Variants in C17orf99 observed in about 807,000 individuals in gnomAD.
C17orf99 encodes protein IL-40.
A neutral mutation model predicts 22.6 loss-of-function variants in C17orf99; 18 were observed. That is an observed-to-expected ratio of 0.80 (90% CI 0.55 to 1.18). The LOEUF is 1.18. Ranked by LOEUF, C17orf99 falls within the 50% of genes most tolerant of loss-of-function variation. The pLI, the probability that C17orf99 is intolerant of heterozygous loss-of-function variation, is 0.00. For synonymous variants in C17orf99, 147 were observed against 136.6 expected, an observed-to-expected ratio of 1.08 and a Z score of -0.53; for missense variants, 328 against 342.7, an observed-to-expected ratio of 0.96 and a Z score of 0.34.
At chr17:78,154,660 T>C (rs2075511622) in intron 2 of C17orf99, among the ~76,000 whole-genome samples, 1 of 151,788 alleles carries the variant, frequency 6.6e-6, no homozygotes, top group Admixed American at 6.6e-5. Flanking sequence ...CTAACCAACA[T>C]GGAGAAACCC....
chr17:78,156,426 G>A lies in C17orf99; in HGVS notation c.71-4529G>A, dbSNP rs143720892. Among the ~76,000 whole-genome samples, 472 of 151,632 alleles carry A rather than the reference G, an allele frequency of 3.1e-3. 1 individual carries two copies. Among genetic ancestry groups the A allele is most frequent in the Non-Finnish European group, 5.3e-3 (362 of 67,958 alleles). ...GTTTTCCACAATGAAATTGACTCCA[G>A]GATTTGCTTCCAAAACAGAGAAGTC... On this transcript the variant is annotated intron_variant, in intron 2 of 4. Coordinates refer to ENST00000340363, the MANE Select transcript of C17orf99 (RefSeq NM_001163075.2).
Position 78,165,902 on chromosome 17 carries a change from G to T in C17orf99, c.654G>T (p.Lys218Asn). ...LTVVPPGGDQ[K>N]MEDWQGPLES... is the part of the protein sequence containing the mutation. ...TGCTTTGTCAAGGTGGTGACCAGAA[G>T]ATGGAGGACTGGCAGGGTCCCCTGG... is the stretch of plus-strand genomic sequence containing the variant. Residue 218 changes from lysine (K) to asparagine (N), a missense_variant, in exon 5 of 5, where the codon AAG (lysine) becomes AAT (asparagine). Physicochemically the swap from Lys to Asn is moderately conservative, Grantham distance 94. Transcript: ENST00000340363. 7.4e-7 allele frequency: 1 copy of T among 1,360,146 alleles called. No individual in the cohort carries two copies. The highest frequency in any genetic ancestry group is 9.6e-7 in the Non-Finnish European group (1 of 1,039,116). The allele number at this position is 1,360,146 out of a possible 1,614,324, so 84.3% of individuals were successfully genotyped here. A position where few individuals can be genotyped will look rare whatever the true frequency, so the allele number is the denominator to read the frequency against.
intron 2 of C17orf99, among the ~76,000 whole-genome samples, chr17:78,159,328 C>G (rs2075554129): frequency 1.3e-5 from 2 of 151,410 alleles, no homozygotes; most frequent in Non-Finnish European, 2.9e-5. Flanking sequence ...CAGAGCAAGA[C>G]TCTGTCTTTA....
In C17orf99 at chr17:78,146,735, T is replaced by C; in HGVS notation, c.38-144T>C. 1.3e-6 allele frequency: 1 copy of C among 785,816 alleles called. No homozygotes were observed. Among genetic ancestry groups the C allele is most frequent in the Non-Finnish European group, 2.1e-6 (1 of 475,762 alleles). 48.7% of individuals were successfully genotyped at this position (785,816 alleles called of 1,614,324 possible). A position where few individuals can be genotyped will look rare whatever the true frequency, so the allele number is the denominator to read the frequency against. ...AGGGGCGCAAAAGAGCTTTTGTGAG[T>C]GATGGTGCCAGCTGAGTCCTGGGGC... is the stretch of plus-strand genomic sequence containing the variant. On this transcript the variant is annotated intron_variant, in intron 1 of 4. Coordinates refer to ENST00000340363, the MANE Select transcript of C17orf99 (RefSeq NM_001163075.2). The surrounding 1 kb of genome is among the most constrained non-coding windows in gnomAD (Gnocchi z 5.2).
intron 2 of C17orf99, among the ~76,000 whole-genome samples, chr17:78,156,206 T>C (rs2075523671): frequency 6.6e-6 from 1 of 151,320 alleles, no homozygotes; most frequent in South Asian, 2.1e-4. Flanking sequence ...TGTGGGCACC[T>C]GTAGTCCCAG....
chr17:78,149,184 T>G (rs4789542), intron 2 of C17orf99, among the ~76,000 whole-genome samples: 96,663 of 151,434 alleles, frequency 0.64, 31,040 homozygotes, highest in Middle Eastern at 0.71. Context: ...ATACAAAAAT[T>G]AGCCGGGCGT....
Position 78,146,875 on chromosome 17 carries a change from ACAGCTGC to A in C17orf99, c.39_45del (p.Ser16ProfsTer30). On this transcript the variant is annotated splice_acceptor_variant and splice_polypyrimidine_tract_variant and coding_sequence_variant and intron_variant, in exon 2 of 5. Coordinates refer to ENST00000340363, the MANE Select transcript of C17orf99 (RefSeq NM_001163075.2). LOFTEE classifies it high-confidence loss of function. This position sits in a 1 kb window ranked among gnomAD's most constrained non-coding sequence, Gnocchi z 5.2. ...TCTCCTTATCGCCCTTACCTCTCTTACAGCTGCCAGCAGCTTCTCCAAGGCACGGGAG... is the reference window on the plus strand; with the variant it reads ...TCTCCTTATCGCCCTTACCTCTCTTACAGCAGCTTCTCCAAGGCACGGGAG... The A allele has an allele frequency of 6.4e-7, 1 of 1,551,222 alleles. No individual in the cohort carries two copies. The highest frequency in any genetic ancestry group is 8.7e-7 in the Non-Finnish European group (1 of 1,146,726).
At chr17:78,163,571 CAA>C (rs1460294877) in intron 3 of C17orf99, among the ~76,000 whole-genome samples, 1 of 152,150 alleles carries the variant, frequency 6.6e-6, no homozygotes, top group Admixed American at 6.6e-5. Context: ...ATACGCTACA[CAA>C]GAATAAAACC....
Position 78,153,912 on chromosome 17 carries a change from T to A in C17orf99, c.70+7001T>A, listed in dbSNP as rs1467594678. ...CCTGTTTAGGGAAAAAAAAAAAGTA[T>A]TCCTTCTTTTTTTTTTTTTTTTTTT... On this transcript the variant is annotated intron_variant, in intron 2 of 4. Transcript: ENST00000340363. 2.8e-5 allele frequency among the ~76,000 whole-genome samples: 4 copies of A among 145,186 alleles called. No individual in the cohort carries two copies. In the East Asian group the frequency reaches 6.2e-4, roughly 23 times the overall value.
At chr17:78,149,053 C>T (rs954635156) in intron 2 of C17orf99, among the ~76,000 whole-genome samples, 10 of 152,112 alleles carry the variant, frequency 6.6e-5, no homozygotes, top group South Asian at 2.1e-4. Flanking sequence ...GGCGCCAAGC[C>T]GGGCGCAGCT....
At position 78,164,743 on chromosome 17, in the gene C17orf99, C is replaced by T. The variant is rs2075605319; in HGVS notation, c.640+379C>T. 8.4e-6 allele frequency: 11 copies of T among 1,311,616 alleles called. No individual in the cohort carries two copies. In the South Asian group the frequency reaches 1.1e-4, roughly 14 times the overall value. 81.2% of individuals were successfully genotyped at this position (1,311,616 alleles called of 1,614,324 possible). A position where few individuals can be genotyped will look rare whatever the true frequency, so the allele number is the denominator to read the frequency against. On this transcript the variant is annotated intron_variant, in intron 4 of 4. Transcript: ENST00000340363. ...GTCCAACCGGGCCCTGGCTGCAGAG[C>T]TCAGGTGGTGGGGCTTGCAGGGCAG...
At chr17:78,146,008 G>T (rs1196128498), upstream of C17orf99, among the ~76,000 whole-genome samples, 1 of 152,030 alleles carries the variant, frequency 6.6e-6, no homozygotes, top group Non-Finnish European at 1.5e-5. The surrounding 1 kb of genome is among the most constrained non-coding windows in gnomAD (Gnocchi z 5.2). Flanking sequence ...GGCTGGTCTC[G>T]AACTCCTGAC....
intron 4 of C17orf99, chr17:78,164,919 A>C (rs1765364134): frequency 1.7e-6 from 2 of 1,160,970 alleles, no homozygotes; most frequent in Non-Finnish European, 2.1e-6. Flanking sequence ...CCTGTAACAC[A>C]GTCTGCTGGC....
intron 2 of C17orf99, among the ~76,000 whole-genome samples, chr17:78,149,122 A>G (rs1349231480): frequency 6.6e-6 from 1 of 152,134 alleles, no homozygotes; most frequent in Non-Finnish European, 1.5e-5. Flanking sequence ...ACCTGAGGTC[A>G]GGAGTTTGAG....
intron 4 of C17orf99, chr17:78,165,359 C>G (rs958423028): frequency 1.0e-6 from 1 of 985,496 alleles, no homozygotes; most frequent in Non-Finnish European, 1.2e-6. Context: ...CAAGTCTGTT[C>G]TTTCCAGAAG....
chr17:78,161,664 C>G (rs143598967), intron 3 of C17orf99, among the ~76,000 whole-genome samples: 3 of 151,838 alleles, frequency 2.0e-5, no homozygotes, highest in African/African-American at 7.3e-5. Context: ...GGCAACATGG[C>G]GAAACCCTGT....
chr17:78,154,227 A>G (rs1024157120), intron 2 of C17orf99, among the ~76,000 whole-genome samples: 3 of 149,140 alleles, frequency 2.0e-5, no homozygotes, highest in Middle Eastern at 3.5e-3. Context: ...GCCAGGCCTG[A>G]AAAAAAAAAG....
chr17:78,149,585 G>C lies in C17orf99; in HGVS notation c.70+2674G>C, dbSNP rs998893460. 8.5e-5 allele frequency among the ~76,000 whole-genome samples: 13 copies of C among 152,268 alleles called. 1 individual carries two copies. The highest frequency in any genetic ancestry group is 8.5e-4 in the Admixed American group (13 of 15,286). On this transcript the variant is annotated intron_variant, in intron 2 of 4. Coordinates refer to ENST00000340363, the MANE Select transcript of C17orf99 (RefSeq NM_001163075.2). ...GTCTCGTTCTGTCACCAAGGCTAAA[G>C]TGCAGTGGCACAATCACCGCTCACT...
At position 78,166,211 on chromosome 17, in the gene C17orf99, T is replaced by G; in HGVS notation, c.*165T>G. 1 of 394,272 alleles carries G rather than the reference T, an allele frequency of 2.5e-6. No homozygotes were observed. The highest frequency in any genetic ancestry group is 3.6e-5 in the East Asian group (1 of 27,692). The allele number at this position is 394,272 out of a possible 1,614,324, so 24.4% of individuals were successfully genotyped here. On this transcript the variant is annotated 3_prime_UTR_variant, in exon 5 of 5. Transcript: ENST00000340363. Reference sequence around the variant, plus strand: ...ATGAGAGATGGTGGATATGTTAACTTGCTTCGCTATAGGAACCTTTGTGCT... The same window carrying G: ...ATGAGAGATGGTGGATATGTTAACTGGCTTCGCTATAGGAACCTTTGTGCT...
Sources: gnomAD v4.1 joint callset for allele counts (sites outside exome capture counted in the v4.1 genomes callset) on GRCh38, gnomAD v4.1.1 for gene constraint, Gnocchi (gnomAD v3.1) non-coding constraint, MANE v1.5 for transcripts, NCBI Gene and HGNC (gene_info 2026-07-23, HGNC 2026-07-21) for gene names.